The following ACSM6 variants were observed in gnomAD, a reference collection of about 807,000 sequenced individuals.
ACSM6 encodes the protein acyl-coenzyme A synthetase ACSM6, mitochondrial.
A neutral mutation model predicts 51.1 loss-of-function variants in ACSM6; 35 were observed. The observed-to-expected ratio is 0.69, with a 90% CI of 0.52 to 0.91. The LOEUF is 0.91. Among genes scored for constraint, ACSM6 ranks in the 40% least tolerant of loss-of-function variants. The probability of loss-of-function intolerance (pLI) is 0.00; values close to 1 mark genes in which losing one functional copy is unlikely to be tolerated. For missense variants in ACSM6, 509 were observed against 584.1 expected (o/e 0.87, Z 1.32); for synonymous variants, 172 against 207.3 (o/e 0.83, Z 1.46).
chr10:95,206,379 C>A (rs2034838906), intron 3 of ACSM6, among the ~76,000 whole-genome samples: 1 of 152,080 alleles, frequency 6.6e-6, no homozygotes, highest in Non-Finnish European at 1.5e-5. Context: ...AATATATATA[C>A]TATATTTCAT....
intron 8 of ACSM6, 91 bp downstream of exon 8, chr10:95,215,066 A>G: frequency 4.2e-6 from 6 of 1,424,538 alleles, no homozygotes; most frequent in Non-Finnish European, 5.7e-6. Context: ...CACGCACTAG[A>G]AATGCACAAC....
chr10:95,219,640 T>A (rs1048452499), intron 8 of ACSM6, among the ~76,000 whole-genome samples: 5 of 152,208 alleles, frequency 3.3e-5, no homozygotes, highest in African/African-American at 1.2e-4. Flanking sequence ...TTCTTTTGAA[T>A]ATTTCACAGC....
At position 95,197,705 on chromosome 10, in the gene ACSM6, T is replaced by C. The variant is rs948632014; in HGVS notation, c.192+3028T>C. ...GTTCCCAGGAGCAGGCAGGAGACAGTGGCCTTCCTCTATCTCAACTGCAAG... is the reference window on the plus strand; with the variant it reads ...GTTCCCAGGAGCAGGCAGGAGACAGCGGCCTTCCTCTATCTCAACTGCAAG... On this transcript the variant is annotated intron_variant, in intron 2 of 10. Transcript: ENST00000341686. Among the ~76,000 whole-genome samples, 9 of 152,198 alleles carry C rather than the reference T, an allele frequency of 5.9e-5. No individual in the cohort carries two copies. In the East Asian group the frequency reaches 1.2e-3, roughly 20 times the overall value.
chr10:95,218,950 G>T (rs1432681809), intron 8 of ACSM6, among the ~76,000 whole-genome samples: 1 of 152,160 alleles, frequency 6.6e-6, no homozygotes, highest in African/African-American at 2.4e-5. Context: ...CACAGCAATA[G>T]GTACTGGAAA....
chr10:95,225,609 G>A lies in ACSM6; in HGVS notation c.1302+218G>A, dbSNP rs2035029776. Reference sequence around the variant, plus strand: ...CTTCATATTTGCACATTTTTGATGAGACATTTGGGAGTAAATGCAGACATT... The same window carrying A: ...CTTCATATTTGCACATTTTTGATGAAACATTTGGGAGTAAATGCAGACATT... On this transcript the variant is annotated intron_variant, in intron 10 of 10. Coordinates refer to ENST00000341686, the Ensembl canonical transcript of ACSM6. The A allele has an allele frequency of 1.9e-5, 8 of 423,344 alleles. No individual in the cohort carries two copies. The South Asian group carries it at 4.1e-4, about 22-fold the overall frequency. The allele number at this position is 423,344 out of a possible 1,614,324, so 26.2% of individuals were successfully genotyped here.
chr10:95,195,976 G>A (rs2034721178), intron 2 of ACSM6, among the ~76,000 whole-genome samples: 1 of 147,442 alleles, frequency 6.8e-6, no homozygotes, highest in East Asian at 1.9e-4. Context: ...TCTTTGCTGA[G>A]CTGTGCCCCC....
Position 95,209,819 on chromosome 10 carries a change from T to A in ACSM6, c.612-831T>A, listed in dbSNP as rs548409892. 5.5e-4 allele frequency among the ~76,000 whole-genome samples: 84 copies of A among 151,980 alleles called. 1 individual carries two copies. The South Asian group carries it at 0.016, about 29-fold the overall frequency. On this transcript the variant is annotated intron_variant, in intron 4 of 10. Coordinates refer to ENST00000341686, the Ensembl canonical transcript of ACSM6. ...TACTCTTTTCAATTGAATAATTTAATTTTTTTTAATTAAAAAAATCAAATT... is the reference window on the plus strand; with the variant it reads ...TACTCTTTTCAATTGAATAATTTAAATTTTTTTAATTAAAAAAATCAAATT...
At chr10:95,203,857 TAA>T (rs34969526) in intron 3 of ACSM6, among the ~76,000 whole-genome samples, 1,589 of 106,846 alleles carry the variant, frequency 0.015, 9 homozygotes, top group Non-Finnish European at 0.02. Context: ...ATGCTAGATT[TAA>T]AAAAAAAAAA....
chr10:95,213,464 G>A (rs2034914962), intron 7 of ACSM6, among the ~76,000 whole-genome samples: 2 of 151,868 alleles, frequency 1.3e-5, no homozygotes. Flanking sequence ...TATTGGGGTG[G>A]GATTATATAG....
intron 2 of ACSM6, among the ~76,000 whole-genome samples, chr10:95,196,099 T>C (rs1322142763): frequency 1.3e-5 from 2 of 152,248 alleles, no homozygotes; most frequent in African/African-American, 2.4e-5. Flanking sequence ...GTGTGAGTCC[T>C]GGGTCCCAGT....
At chr10:95,215,439 C>A (rs917336669) in intron 8 of ACSM6, among the ~76,000 whole-genome samples, 1 of 152,080 alleles carries the variant, frequency 6.6e-6, no homozygotes, top group Non-Finnish European at 1.5e-5. Context: ...TCATTTTCTC[C>A]AATATCACTC....
intron 7 of ACSM6, 94 bp from the exon 8 acceptor site, chr10:95,214,758 A>G (rs1270521565): frequency 7.2e-6 from 10 of 1,382,762 alleles, no homozygotes; most frequent in Non-Finnish European, 9.8e-6. Context: ...CTGTATTGGA[A>G]TAACTGCATC....
exon 2 of ACSM6, chr10:95,194,584 C>T: frequency 6.4e-7 from 1 of 1,552,134 alleles, no homozygotes; most frequent in Non-Finnish European, 8.7e-7. Flanking sequence ...CTCAGACCAT[C>T]AGACCCCCTG....
At chr10:95,208,832 C>G (rs1252000875) in intron 4 of ACSM6, among the ~76,000 whole-genome samples, 3 of 145,114 alleles carry the variant, frequency 2.1e-5, no homozygotes, top group Non-Finnish European at 4.5e-5. Flanking sequence ...CACTGAGGGT[C>G]TTGGGACACA....
Position 95,214,772 on chromosome 10 carries a change from T to C in ACSM6, c.996-80T>C, listed in dbSNP as rs1221714190. ...CCTGTATTGGAATAACTGCATCATT[T>C]TTCCAAGATTCTTTCTAACAGACCT... On this transcript the variant is annotated intron_variant, in intron 7 of 10. Coordinates refer to ENST00000341686, the Ensembl canonical transcript of ACSM6. The C allele has an allele frequency of 4.1e-6, 6 of 1,458,960 alleles. No individual in the cohort carries two copies. The East Asian group carries it at 1.2e-4, about 30-fold the overall frequency. 90.4% of individuals were successfully genotyped at this position (1,458,960 alleles called of 1,614,324 possible).
chr10:95,227,647 GT>G (rs549906134), intron 10 of ACSM6, among the ~76,000 whole-genome samples: 2 of 152,350 alleles, frequency 1.3e-5, no homozygotes, highest in South Asian at 4.1e-4. Context: ...TTATTGTGCT[GT>G]TTGAGAATGA....
intron 8 of ACSM6, among the ~76,000 whole-genome samples, chr10:95,217,178 A>C (rs2034953525): frequency 6.7e-6 from 1 of 149,122 alleles, no homozygotes; most frequent in South Asian, 2.1e-4. Flanking sequence ...GAAACCCTGT[A>C]TTTACTAAAA....
At chr10:95,213,969 A>G (rs1312209373) in intron 7 of ACSM6, among the ~76,000 whole-genome samples, 1 of 152,234 alleles carries the variant, frequency 6.6e-6, no homozygotes, top group African/African-American at 2.4e-5. Context: ...AATATGGTAT[A>G]TCTTTATTCA....
chr10:95,205,000 G>T (rs1012654776), intron 3 of ACSM6, among the ~76,000 whole-genome samples: 2 of 152,248 alleles, frequency 1.3e-5, no homozygotes, highest in East Asian at 3.9e-4. Context: ...TGCCCTTTTG[G>T]TGGCATCCAG....
Sources: gnomAD v4.1 joint callset for allele counts (sites outside exome capture counted in the v4.1 genomes callset) on GRCh38, gnomAD v4.1.1 for gene constraint, MANE v1.5 for transcripts, NCBI Gene and HGNC (gene_info 2026-07-23, HGNC 2026-07-21) for gene names.